Variants in CALD1 observed in about 807,000 individuals in gnomAD.
The protein encoded by CALD1 is caldesmon 1.
Under a neutral mutation model 99.9 loss-of-function variants are expected in CALD1, and 33 were observed. That is an observed-to-expected ratio of 0.33 (90% CI 0.25 to 0.44). CALD1 has a LOEUF of 0.44. CALD1 is among the 20% of genes least tolerant of loss of function. The probability of loss-of-function intolerance (pLI) is 1.00; values close to 1 mark genes in which losing one functional copy is unlikely to be tolerated. For synonymous variants in CALD1, 310 were observed against 325.0 expected (o/e 0.95, Z 0.50); for missense variants, 861 against 962.1 (o/e 0.89, Z 1.39).
intron 1 of CALD1, among the ~76,000 whole-genome samples, chr7:134,825,635 T>C (rs1057218815): frequency 2.2e-4 from 34 of 152,206 alleles, no homozygotes; most frequent in African/African-American, 7.7e-4. Flanking sequence ...TTGGTTGGTA[T>C]AATCTGCAAA....
chr7:134,786,987 G>GT (rs553143524), intron 1 of CALD1, among the ~76,000 whole-genome samples: 28 of 152,274 alleles, frequency 1.8e-4, no homozygotes, highest in Admixed American at 4.6e-4. Context: ...TCTGTAGTTT[G>GT]TAAAAGTTCC....
chr7:134,867,045 A>T (rs1800831646), intron 2 of CALD1: 1 of 152,172 alleles, frequency 6.6e-6, no homozygotes, highest in African/African-American at 2.4e-5. Flanking sequence ...AGGAGGTAGG[A>T]AAGGGTAAAA....
intron 13 of CALD1, among the ~76,000 whole-genome samples, chr7:134,963,807 G>T (rs1259610316): frequency 6.6e-6 from 1 of 152,158 alleles, no homozygotes. Context: ...TGTGATGAAT[G>T]TTTATATTTG....
chr7:134,804,800 A>G (rs1343734038), intron 1 of CALD1, among the ~76,000 whole-genome samples: 1 of 152,256 alleles, frequency 6.6e-6, no homozygotes, highest in African/African-American at 2.4e-5. Context: ...CCTGCACTGT[A>G]ACCTCCCAAC....
At chr7:134,779,473 C>T, upstream of CALD1, 1 of 388,374 alleles carries the variant, frequency 2.6e-6, no homozygotes, top group Non-Finnish European at 4.5e-6. Context: ...CAGGCTGCAT[C>T]CACCTTGGCT....
intron 3 of CALD1, chr7:134,891,459 G>T: frequency 7.4e-7 from 1 of 1,348,906 alleles, no homozygotes. Context: ...CACAGGGACA[G>T]ACCAACGTGT....
intron 1 of CALD1, among the ~76,000 whole-genome samples, chr7:134,820,025 G>T (rs1355855976): frequency 6.6e-6 from 1 of 152,152 alleles, no homozygotes; most frequent in Admixed American, 6.5e-5. Context: ...AATCAGGCAT[G>T]GTTTTGAAAT....
At chr7:134,887,328 G>A (rs1586204284) in intron 3 of CALD1, among the ~76,000 whole-genome samples, 1 of 152,312 alleles carries the variant, frequency 6.6e-6, no homozygotes, top group East Asian at 1.9e-4. Flanking sequence ...GGAGGAAAGA[G>A]ATGCTGCCTT....
At chr7:134,958,168 TTC>T in intron 10 of CALD1, 39 bp from the exon 11 acceptor site, 5 of 1,593,632 alleles carry the variant, frequency 3.1e-6, no homozygotes, top group Non-Finnish European at 4.3e-6. Flanking sequence ...TATGAGAAGA[TTC>T]TCTCTCATAT....
At chr7:134,917,446 T>A (rs2132766296) in intron 3 of CALD1, among the ~76,000 whole-genome samples, 1 of 152,282 alleles carries the variant, frequency 6.6e-6, no homozygotes, top group East Asian at 1.9e-4. Flanking sequence ...TTTCCTGGGT[T>A]CAAGAGATTC....
At chr7:134,924,011 G>A (rs991710897) in intron 3 of CALD1, among the ~76,000 whole-genome samples, 2 of 152,142 alleles carry the variant, frequency 1.3e-5, no homozygotes, top group African/African-American at 2.4e-5. Flanking sequence ...AAATTGGTTA[G>A]TCATAATAGA....
upstream of CALD1, among the ~76,000 whole-genome samples, chr7:134,739,416 C>T (rs894612024): frequency 1.3e-5 from 2 of 152,186 alleles, no homozygotes; most frequent in Non-Finnish European, 2.9e-5. Flanking sequence ...CCATACTTAA[C>T]ATGAAATAGC....
In CALD1 at chr7:134,796,992, GC is replaced by G. The variant is rs202029886; in HGVS notation, c.-130+17244del. ...TGAGACAGACTGCCATTCAATTGAA[GC>G]TTTTCCTCTAATGTAGTAAGAATTT... On this transcript the variant is annotated intron_variant, in intron 1 of 14. Transcript: ENST00000361675. Among the ~76,000 whole-genome samples, 1,059 of 152,134 alleles carry G rather than the reference GC, an allele frequency of 7.0e-3. 22 individuals are homozygous for G. The highest frequency in any genetic ancestry group is 0.024 in the African/African-American group (997 of 41,520).
At chr7:134,930,777 A>G (rs1805461857) in intron 4 of CALD1, among the ~76,000 whole-genome samples, 1 of 152,258 alleles carries the variant, frequency 6.6e-6, no homozygotes, top group South Asian at 2.1e-4. Flanking sequence ...GTAACAATAC[A>G]TGTAAAATGC....
At chr7:134,920,161 C>A (rs867576476) in intron 3 of CALD1, among the ~76,000 whole-genome samples, 1 of 152,118 alleles carries the variant, frequency 6.6e-6, no homozygotes, top group Non-Finnish European at 1.5e-5. Flanking sequence ...CAGGATTTTC[C>A]CTCCTGATCA....
chr7:134,886,669 T>G (rs1209111041), intron 3 of CALD1, among the ~76,000 whole-genome samples: 3 of 152,242 alleles, frequency 2.0e-5, no homozygotes, highest in African/African-American at 7.2e-5. Context: ...ACTTAATACC[T>G]GTGGCCCTCC....
At chr7:134,820,777 G>A (rs1205720430) in intron 1 of CALD1, among the ~76,000 whole-genome samples, 1 of 152,140 alleles carries the variant, frequency 6.6e-6, no homozygotes, top group Non-Finnish European at 1.5e-5. Flanking sequence ...TAGGGGACAT[G>A]GTGGGTAGCA....
At chr7:134,965,754 A>G in intron 14 of CALD1, among the ~76,000 whole-genome samples, 1 of 151,100 alleles carries the variant, frequency 6.6e-6, no homozygotes, top group Non-Finnish European at 1.5e-5. Flanking sequence ...TGTCTCCCTG[A>G]GTGTTTCCAA....
chr7:134,769,342 A>C (rs1017020457), intron 1 of CALD1, among the ~76,000 whole-genome samples: 2 of 152,182 alleles, frequency 1.3e-5, no homozygotes, highest in African/African-American at 4.8e-5. Context: ...TCACTCAACA[A>C]AGTGAATGCA....
Sources: gnomAD v4.1 joint callset for allele counts (sites outside exome capture counted in the v4.1 genomes callset) on GRCh38, gnomAD v4.1.1 for gene constraint, MANE v1.5 for transcripts, NCBI Gene and HGNC (gene_info 2026-07-23, HGNC 2026-07-21) for gene names.